Variants in PDE4D observed in about 807,000 individuals in gnomAD.
The protein encoded by PDE4D is 3',5'-cyclic-AMP phosphodiesterase 4D.
In PDE4D, 24 loss-of-function variants were observed where a neutral mutation model predicts 87.4. That is an observed-to-expected ratio of 0.27 (90% CI 0.20 to 0.39). PDE4D has a LOEUF of 0.39. Ranked by LOEUF, PDE4D falls within the 10% of genes least tolerant of loss-of-function variation. PDE4D has a pLI of 1.00. For synonymous variants in PDE4D, 384 were observed against 383.2 expected (o/e 1.00, Z -0.02); for missense variants, 714 against 1,041.0 (o/e 0.69, Z 4.32).
rs1314402818 is a variant in PDE4D, at chr5:58,971,937, C to T, written c.*2727G>A. On this transcript the variant is annotated 3_prime_UTR_variant, in exon 15 of 15. Coordinates refer to ENST00000340635, the MANE Select transcript of PDE4D (RefSeq NM_001104631.2). Reference sequence around the variant, plus strand: ...TAGTCCCTGTCTCTTGGATATTGAGCCTTTTCTGCAATTTGATTGTCCATT... The same window carrying T: ...TAGTCCCTGTCTCTTGGATATTGAGTCTTTTCTGCAATTTGATTGTCCATT... The T allele has an allele frequency of 6.6e-6, 1 of 152,450 alleles. No homozygotes were observed. The highest frequency in any genetic ancestry group is 1.9e-4 in the East Asian group (1 of 5,182). The allele number at this position is 152,450 out of a possible 1,614,324, so 9.4% of individuals were successfully genotyped here. A position where few individuals can be genotyped will look rare whatever the true frequency, so the allele number is the denominator to read the frequency against.
At chr5:59,368,346 T>G (rs1348804230) in intron 1 of PDE4D, among the ~76,000 whole-genome samples, 1 of 152,152 alleles carries the variant, frequency 6.6e-6, no homozygotes, top group East Asian at 1.9e-4. Context: ...GGGACTACAT[T>G]AAAAATCAAA....
intron 1 of PDE4D, among the ~76,000 whole-genome samples, chr5:59,838,092 A>G (rs1049788277): frequency 1.3e-5 from 2 of 152,098 alleles, no homozygotes; most frequent in African/African-American, 2.4e-5. Flanking sequence ...TGACACTTAA[A>G]AAAACTAGGA....
intron 5 of PDE4D, among the ~76,000 whole-genome samples, chr5:59,168,114 G>A (rs1394607011): frequency 6.6e-6 from 1 of 151,870 alleles, no homozygotes; most frequent in Non-Finnish European, 1.5e-5. Flanking sequence ...AAGGAAGACG[G>A]CACACTAGAA....
intron 2 of PDE4D, among the ~76,000 whole-genome samples, chr5:60,023,637 C>A (rs950091270): frequency 6.6e-6 from 1 of 152,148 alleles, no homozygotes; most frequent in African/African-American, 2.4e-5. Flanking sequence ...AGGGTGTTAC[C>A]TGAAGTTTGG....
At chr5:59,915,403 A>C (rs1372856265) in intron 3 of PDE4D, among the ~76,000 whole-genome samples, 1 of 152,202 alleles carries the variant, frequency 6.6e-6, no homozygotes, top group African/African-American at 2.4e-5. Context: ...AGTACTCTAA[A>C]GTTTATATTA....
At chr5:59,395,612 T>C (rs1789248556) in intron 1 of PDE4D, among the ~76,000 whole-genome samples, 1 of 146,132 alleles carries the variant, frequency 6.8e-6, no homozygotes, top group South Asian at 2.3e-4. Flanking sequence ...CAAAAGTAGA[T>C]AAAACCACAA....
chr5:59,732,569 CT>C (rs1457462436), intron 1 of PDE4D, among the ~76,000 whole-genome samples: 19 of 152,004 alleles, frequency 1.2e-4, no homozygotes, highest in African/African-American at 4.6e-4. Context: ...CTATGAAGAT[CT>C]GATGGAAGAA....
chr5:59,761,506 T>C (rs1467874186), intron 1 of PDE4D, among the ~76,000 whole-genome samples: 2 of 152,158 alleles, frequency 1.3e-5, no homozygotes, highest in African/African-American at 4.8e-5. Flanking sequence ...TGCACAAAAA[T>C]ATTTTCTCTA....
chr5:59,833,793 G>C (rs1271187497), intron 1 of PDE4D, among the ~76,000 whole-genome samples: 3 of 151,992 alleles, frequency 2.0e-5, no homozygotes, highest in Non-Finnish European at 2.9e-5. Context: ...AAACCACTAT[G>C]CTCAAGCATC....
chr5:59,441,887 C>T lies in PDE4D; in HGVS notation c.456-225919G>A, dbSNP rs113287867. On this transcript the variant is annotated intron_variant, in intron 1 of 14. Transcript: ENST00000340635. ...TTGTTTGATTGGATGAACGGTCTTCCATCCAGGCAAATATTTAGTCTTTAC... is the reference window on the plus strand; with the variant it reads ...TTGTTTGATTGGATGAACGGTCTTCTATCCAGGCAAATATTTAGTCTTTAC... Among the ~76,000 whole-genome samples the T allele has an allele frequency of 7.2e-5, 11 of 152,272 alleles. 2 individuals carry two copies. Among genetic ancestry groups the T allele is most frequent in the African/African-American group, 2.6e-4 (11 of 41,566 alleles).
At chr5:58,993,582 T>G in intron 6 of PDE4D, 117 bp from the exon 7 acceptor site, 3 of 612,108 alleles carry the variant, frequency 4.9e-6, no homozygotes, top group Non-Finnish European at 5.6e-6. Context: ...GTCCTGACAA[T>G]TTAGAACAGT....
At chr5:60,461,250 T>A (rs1000039269) in intron 1 of PDE4D, among the ~76,000 whole-genome samples, 1 of 152,082 alleles carries the variant, frequency 6.6e-6, no homozygotes, top group Non-Finnish European at 1.5e-5. Context: ...AAATACACAG[T>A]TGGGGGGAAT....
At chr5:60,130,404 T>G (rs1440437921) in intron 2 of PDE4D, among the ~76,000 whole-genome samples, 1 of 152,166 alleles carries the variant, frequency 6.6e-6, no homozygotes, top group Non-Finnish European at 1.5e-5. Flanking sequence ...TTTTTTCATG[T>G]GAGATGCCCA....
At chr5:59,925,747 C>A (rs1421346994) in intron 3 of PDE4D, among the ~76,000 whole-genome samples, 1 of 151,974 alleles carries the variant, frequency 6.6e-6, no homozygotes, top group Non-Finnish European at 1.5e-5. Context: ...AATTTCAGGA[C>A]AAAAACTATA....
intron 1 of PDE4D, among the ~76,000 whole-genome samples, chr5:59,549,207 A>G (rs1323004201): frequency 6.6e-6 from 1 of 152,198 alleles, no homozygotes; most frequent in African/African-American, 2.4e-5. Flanking sequence ...AAGCACTTTT[A>G]GAAAGCTACT....
At chr5:60,140,056 T>A (rs1307533938) in intron 2 of PDE4D, among the ~76,000 whole-genome samples, 1 of 152,078 alleles carries the variant, frequency 6.6e-6, no homozygotes, top group Non-Finnish European at 1.5e-5. Context: ...TTAATAAAAA[T>A]AAAATGACTT....
chr5:59,966,947 T>A (rs889989899), intron 3 of PDE4D, among the ~76,000 whole-genome samples: 16 of 152,238 alleles, frequency 1.1e-4, no homozygotes, highest in African/African-American at 3.6e-4. Context: ...AGTACATTAT[T>A]TCTTTCAGGC....
chr5:60,475,841 A>AAAAAAAAAAAG (rs765377862), intron 1 of PDE4D, among the ~76,000 whole-genome samples: 1 of 151,426 alleles, frequency 6.6e-6, no homozygotes, highest in Non-Finnish European at 1.5e-5. Context: ...AAAAAAAAAA[A>AAAAAAAAAAAG]AGACAATTAC....
At chr5:60,095,879 A>G (rs867080030) in intron 2 of PDE4D, among the ~76,000 whole-genome samples, 1 of 152,098 alleles carries the variant, frequency 6.6e-6, no homozygotes, top group Admixed American at 6.6e-5. Flanking sequence ...TTTTGGCCAC[A>G]TAAATGCCTT....
Sources: gnomAD v4.1 joint callset for allele counts (sites outside exome capture counted in the v4.1 genomes callset) on GRCh38, gnomAD v4.1.1 for gene constraint, MANE v1.5 for transcripts, NCBI Gene and HGNC (gene_info 2026-07-23, HGNC 2026-07-21) for gene names.